Variants in PRCD observed in about 807,000 individuals in gnomAD.
PRCD encodes the protein photoreceptor disc component.
PRCD carries 12 observed loss-of-function variants against 10.1 expected under a neutral mutation model. The ratio of observed to expected loss-of-function variants is 1.18; its 90% CI spans 0.76 to 1.92. PRCD has a LOEUF of 1.92. PRCD is among the 40% of genes most tolerant of loss of function. The probability of loss-of-function intolerance (pLI) is 0.00; values close to 1 mark genes in which losing one functional copy is unlikely to be tolerated. For synonymous variants in PRCD, 31 were observed against 26.2 expected (o/e 1.18, Z -0.56); for missense variants, 61 against 72.2 (o/e 0.84, Z 0.56).
rs912018272 is a variant in PRCD, at chr17:76,544,818, T to G, written c.*1168T>G. On this transcript the variant is annotated 3_prime_UTR_variant, in exon 5 of 5. Coordinates refer to ENST00000592014, the MANE Select transcript of PRCD (RefSeq NM_001077620.3). ...TTCCGAGTTGCTCATCTCCTTCCAC[T>G]GGTCTGAGGAATTGTCAGGCCAAGG... 3 of 456,702 alleles carry G rather than the reference T, an allele frequency of 6.6e-6. No homozygotes were observed. Among genetic ancestry groups the G allele is most frequent in the African/African-American group, 6.0e-5 (3 of 50,104 alleles). 28.3% of individuals were successfully genotyped at this position (456,702 alleles called of 1,614,324 possible). A position where few individuals can be genotyped will look rare whatever the true frequency, so the allele number is the denominator to read the frequency against.
At chr17:76,529,885 A>G (rs1459008443) in intron 1 of PRCD, 1 of 984,012 alleles carries the variant, frequency 1.0e-6, no homozygotes, top group Non-Finnish European at 1.2e-6. Flanking sequence ...CGAGGACTCC[A>G]CTCTCTTGGG....
Position 76,540,573 on chromosome 17 carries a change from G to A in PRCD, c.143G>A (p.Arg48Lys), listed in dbSNP as rs2074979644. 6.2e-7 allele frequency: 1 copy of A among 1,613,354 alleles called. No homozygotes were observed. Among genetic ancestry groups the A allele is most frequent in the Non-Finnish European group, 8.5e-7 (1 of 1,179,852 alleles). The change falls in exon 2 of 5, where the codon AGG (arginine) becomes AAG (lysine). Residue 48 changes from arginine to lysine, a missense_variant and splice_region_variant. Physicochemically the swap from Arg to Lys is conservative, Grantham distance 26. Coordinates refer to ENST00000592014, the MANE Select transcript of PRCD (RefSeq NM_001077620.3). The surrounding 1 kb of genome is among the most constrained non-coding windows in gnomAD (Gnocchi z 5.0). ...SLDADPQSSG[R>K]EKEPLK ...GATGCGGACCCTCAGTCCTCAGGCA[G>A]GTAAGGCAGGAGTCTGGGCTGGGGG...
In PRCD at chr17:76,531,763, G is replaced by T; in HGVS notation, n.45+3930G>T. The T allele has an allele frequency of 7.5e-7, 1 of 1,326,584 alleles. No homozygotes were observed. Among genetic ancestry groups the T allele is most frequent in the Non-Finnish European group, 1.0e-6 (1 of 959,598 alleles). 82.2% of individuals were successfully genotyped at this position (1,326,584 alleles called of 1,614,324 possible). ...GGCCCACCCTGAAGCTTCCAGGATA[G>T]TGGGGGCTGAAGAAGTGGACCGCAG... On this transcript the variant is annotated intron_variant and non_coding_transcript_variant, in intron 1 of 4. Transcript: ENST00000397633. This position sits in a 1 kb window ranked among gnomAD's most constrained non-coding sequence, Gnocchi z 7.4.
downstream of PRCD, among the ~76,000 whole-genome samples, chr17:76,548,291 G>C (rs1194190978): frequency 6.6e-6 from 1 of 152,116 alleles, no homozygotes; most frequent in African/African-American, 2.4e-5. Context: ...CACACAGAGA[G>C]ACATACACAT....
In PRCD at chr17:76,530,275, G is replaced by A. The variant is rs1048070423; in HGVS notation, n.45+2442G>A. On this transcript the variant is annotated intron_variant and non_coding_transcript_variant, in intron 1 of 4. Transcript: ENST00000397633. This position sits in a 1 kb window ranked among gnomAD's most constrained non-coding sequence, Gnocchi z 6.1. ...CTCCCCTTGGGGGCCCAGGGAGGCC[G>A]AGTGTTCCCAACCGCCACATCTGGG... 2.6e-5 allele frequency among the ~76,000 whole-genome samples: 4 copies of A among 152,058 alleles called. No homozygotes were observed. The highest frequency in any genetic ancestry group is 3.9e-4 in the East Asian group (2 of 5,178).
chr17:76,551,589 T>C lies in PRCD; in HGVS notation n.84-1520T>C, dbSNP rs552803748. 8 of 152,336 alleles carry C rather than the reference T, an allele frequency of 5.3e-5. No individual in the cohort carries two copies. In the South Asian group the frequency reaches 1.7e-3, roughly 32 times the overall value. The allele number at this position is 152,336 out of a possible 1,614,324, so 9.4% of individuals were successfully genotyped here. A position where few individuals can be genotyped will look rare whatever the true frequency, so the allele number is the denominator to read the frequency against. On this transcript the variant is annotated intron_variant and non_coding_transcript_variant, in intron 1 of 1. Transcript: ENST00000587063. ...CCAGGTTTTTAAATTTTTATATTTT[T>C]ACTTTTCTTCCATCTGCCTGGTCAT...
upstream of PRCD, chr17:76,538,111 C>T (rs1171384567): frequency 6.5e-6 from 1 of 154,236 alleles, no homozygotes; most frequent in Non-Finnish European, 1.4e-5. Flanking sequence ...GGACCCTTCC[C>T]GCGGCGGGGA....
intron 1 of PRCD, chr17:76,529,915 G>A: frequency 1.0e-6 from 1 of 985,268 alleles, no homozygotes; most frequent in East Asian, 1.1e-4. Flanking sequence ...ACGGGAGAGG[G>A]GGGAGGGGAG....
chr17:76,548,054 A>C (rs1598218894), downstream of PRCD, among the ~76,000 whole-genome samples: 1 of 152,268 alleles, frequency 6.6e-6, no homozygotes, highest in East Asian at 1.9e-4. Flanking sequence ...ACATTCACAC[A>C]CATACACACA....
rs771176701 is a variant in PRCD at position 76,540,594 on chromosome 17, G to T, written c.143+21G>T. On this transcript the variant is annotated intron_variant, in intron 2 of 4. Coordinates refer to ENST00000592014, the MANE Select transcript of PRCD (RefSeq NM_001077620.3). The surrounding 1 kb of genome is among the most constrained non-coding windows in gnomAD (Gnocchi z 5.0). Reference sequence around the variant, plus strand: ...GGCAGGTAAGGCAGGAGTCTGGGCTGGGGGAGGGAGGGTGCTGCCAAGGAA... The same window carrying T: ...GGCAGGTAAGGCAGGAGTCTGGGCTTGGGGAGGGAGGGTGCTGCCAAGGAA... 6.2e-7 allele frequency: 1 copy of T among 1,610,072 alleles called. No individual in the cohort carries two copies. Among genetic ancestry groups the T allele is most frequent in the Non-Finnish European group, 8.5e-7 (1 of 1,177,274 alleles).
At chr17:76,550,599 C>T (rs2075100679) in intron 1 of PRCD, 1 of 152,214 alleles carries the variant, frequency 6.6e-6, no homozygotes, top group African/African-American at 2.4e-5. Context: ...TGTTCTAAAT[C>T]TTAACTGGGA....
chr17:76,537,363 C>T, upstream of PRCD: 1 of 1,558,396 alleles, frequency 6.4e-7, no homozygotes, highest in East Asian at 2.6e-5. Context: ...CTGCCGCCCT[C>T]CCTGCCCAGG....
At chr17:76,537,276 C>T (rs1040754600), upstream of PRCD, 12 of 1,165,448 alleles carry the variant, frequency 1.0e-5, no homozygotes, top group Admixed American at 8.4e-5. Flanking sequence ...CCGCCGACCT[C>T]GGACCGGCCC....
At chr17:76,546,448 GT>G (rs67055859), downstream of PRCD, 1,332 of 14,090 alleles carry the variant, frequency 0.095, 7 homozygotes, top group South Asian at 0.27. This position sits in a 1 kb window ranked among gnomAD's most constrained non-coding sequence, Gnocchi z 4.5. Context: ...TGTGTGTGTG[GT>G]TTGTGTGTGT....
upstream of PRCD, chr17:76,538,318 G>C (rs912141874): frequency 6.7e-6 from 2 of 298,898 alleles, no homozygotes; most frequent in Non-Finnish European, 1.3e-5. Flanking sequence ...CCCAGGCTCT[G>C]GGGGGTTAGC....
chr17:76,544,561 C>G lies in PRCD; in HGVS notation c.*911C>G. The G allele has an allele frequency of 2.2e-6, 1 of 456,662 alleles. No homozygotes were observed. The highest frequency in any genetic ancestry group is 1.5e-5 in the South Asian group (1 of 64,570). The allele number at this position is 456,662 out of a possible 1,614,324, so 28.3% of individuals were successfully genotyped here. On this transcript the variant is annotated 3_prime_UTR_variant, in exon 5 of 5. Transcript: ENST00000592014. Reference sequence around the variant, plus strand: ...GGGGAAAGTCACACTAGGGAAGGAGCCTGCAGAGGCAAAGCCAGAGCGCCA... The same window carrying G: ...GGGGAAAGTCACACTAGGGAAGGAGGCTGCAGAGGCAAAGCCAGAGCGCCA...
At chr17:76,538,969 G>A (rs570876447), upstream of PRCD, among the ~76,000 whole-genome samples, 4 of 152,212 alleles carry the variant, frequency 2.6e-5, no homozygotes, top group Non-Finnish European at 4.4e-5. Context: ...CGGGGGAGGC[G>A]AGGAGAACTC....
chr17:76,539,404 C>T (rs987228413), upstream of PRCD, among the ~76,000 whole-genome samples: 1 of 152,158 alleles, frequency 6.6e-6, no homozygotes, highest in African/African-American at 2.4e-5. Flanking sequence ...AGTGGCTGCA[C>T]CTGTCTATTT....
At position 76,543,419 on chromosome 17, in the gene PRCD, G is replaced by C. The variant is rs543196446; in HGVS notation, c.*152+298G>C. 215 of 337,738 alleles carry C rather than the reference G, an allele frequency of 6.4e-4. 6 individuals are homozygous for C. Among genetic ancestry groups the C allele is most frequent in the South Asian group, 3.1e-3 (129 of 42,194 alleles). 20.9% of individuals were successfully genotyped at this position (337,738 alleles called of 1,614,324 possible). On this transcript the variant is annotated intron_variant, in intron 4 of 4. Coordinates refer to ENST00000592014, the MANE Select transcript of PRCD (RefSeq NM_001077620.3). Reference sequence around the variant, plus strand: ...GAGACCCCAGAAGCAAGGGACGGCTGATAGCTCACATTTACTAAGCAAGGG... The same window carrying C: ...GAGACCCCAGAAGCAAGGGACGGCTCATAGCTCACATTTACTAAGCAAGGG...
Sources: allele counts gnomAD v4.1 joint callset (sites outside exome capture counted in the v4.1 genomes callset), GRCh38; gene constraint gnomAD v4.1.1; non-coding constraint Gnocchi (gnomAD v3.1); transcripts MANE v1.5; gene names NCBI Gene and HGNC (gene_info 2026-07-23, HGNC 2026-07-21).